The following ITGA11 variants were observed in gnomAD, a reference collection of about 807,000 sequenced individuals.
ITGA11 encodes integrin alpha-11.
A neutral mutation model predicts 141.9 loss-of-function variants in ITGA11; 97 were observed. That is an observed-to-expected ratio of 0.68 (90% CI 0.58 to 0.81). ITGA11 has a LOEUF of 0.81. ITGA11 is among the 30% of genes least tolerant of loss of function. ITGA11 has a pLI of 0.00. For missense variants in ITGA11, 1,387 were observed against 1,559.2 expected (o/e 0.89, Z 1.86); for synonymous variants, 658 against 624.6 (o/e 1.05, Z -0.80).
rs1023116704 is a variant in ITGA11 at position 68,311,527 on chromosome 15, T to G, written c.2974-124A>C. 46 of 664,058 alleles carry G rather than the reference T, an allele frequency of 6.9e-5. No individual in the cohort carries two copies. In the African/African-American group the frequency reaches 7.9e-4, roughly 11 times the overall value. The allele number at this position is 664,058 out of a possible 1,614,324, so 41.1% of individuals were successfully genotyped here. On this transcript the variant is annotated intron_variant, in intron 24 of 29. Transcript: ENST00000315757. ...CATCAGGCCTGGGAAAAAGGCCCAC[T>G]CAAGACCCCTGGTGTTTTCACCATG...
chr15:68,427,425 G>C (rs1897169154), intron 1 of ITGA11, among the ~76,000 whole-genome samples: 1 of 152,154 alleles, frequency 6.6e-6, no homozygotes, highest in African/African-American at 2.4e-5. Context: ...GAGTCACCCA[G>C]GTAGAAAGGA....
intron 2 of ITGA11, among the ~76,000 whole-genome samples, chr15:68,375,689 C>T (rs1452344245): frequency 6.6e-6 from 1 of 152,202 alleles, no homozygotes; most frequent in Non-Finnish European, 1.5e-5. Context: ...CCCTTACTCT[C>T]CCTCCATAAA....
intron 1 of ITGA11, among the ~76,000 whole-genome samples, chr15:68,421,984 T>C (rs1395477693): frequency 6.6e-6 from 1 of 152,216 alleles, no homozygotes; most frequent in Non-Finnish European, 1.5e-5. Context: ...GTTTGGCTTG[T>C]GGTCTGGCCT....
At chr15:68,366,750 G>T (rs961925113) in intron 3 of ITGA11, among the ~76,000 whole-genome samples, 4 of 152,110 alleles carry the variant, frequency 2.6e-5, no homozygotes, top group African/African-American at 9.7e-5. Context: ...AGGGTCCCGG[G>T]CCCAGATATC....
chr15:68,361,460 C>T (rs532329693), intron 5 of ITGA11, 130 bp downstream of exon 5: 12 of 636,176 alleles, frequency 1.9e-5, no homozygotes, highest in South Asian at 3.7e-5. Flanking sequence ...CCAGGTCATC[C>T]GGAGAGCTGG....
intron 22 of ITGA11, among the ~76,000 whole-genome samples, chr15:68,314,984 G>C (rs562319735): frequency 1.3e-5 from 2 of 152,164 alleles, no homozygotes; most frequent in East Asian, 3.8e-4. Context: ...CTGCAAAAAA[G>C]AGAAGTGTAT....
chr15:68,325,241 C>G lies in ITGA11; in HGVS notation c.2212G>C (p.Asp738His). The G allele has an allele frequency of 6.2e-7, 1 of 1,610,224 alleles. No homozygotes were observed. The change falls in exon 18 of 30, where the codon GAC becomes CAC. Residue 738 changes from aspartate (D) to histidine (H), a missense_variant and splice_region_variant. Physicochemically the swap from Asp to His is moderately conservative, Grantham distance 81. Coordinates refer to ENST00000315757, the MANE Select transcript of ITGA11 (RefSeq NM_001004439.2). This position sits in a 1 kb window ranked among gnomAD's most constrained non-coding sequence, Gnocchi z 5.5. ...LCERINFHVLDTADYVKPVTF... is the reference protein window; with the variant it reads ...LCERINFHVLHTADYVKPVTF... ...ACTGGCTTCACGTAGTCAGCAGTGT[C>G]CTGGGGGGTGGAGATGAGGGCAGCG...
At chr15:68,329,791 C>A (rs1263875275) in intron 15 of ITGA11, among the ~76,000 whole-genome samples, 1 of 152,234 alleles carries the variant, frequency 6.6e-6, no homozygotes, top group African/African-American at 2.4e-5. Context: ...AGAGCCCCCA[C>A]ATGCAGCACA....
At chr15:68,400,727 TAA>T (rs1491109644) in intron 2 of ITGA11, among the ~76,000 whole-genome samples, 1 of 19,718 alleles carries the variant, frequency 5.1e-5, no homozygotes, top group East Asian at 0.023. Flanking sequence ...TATTATATAA[TAA>T]ATATTATATA....
intron 1 of ITGA11, among the ~76,000 whole-genome samples, chr15:68,428,079 C>T (rs1005144030): frequency 2.6e-5 from 4 of 152,096 alleles, no homozygotes; most frequent in African/African-American, 7.2e-5. Context: ...GAACAATGTT[C>T]GACTTTGACC....
chr15:68,317,247 A>G lies in ITGA11; in HGVS notation c.2715+18T>C, dbSNP rs370537254. On this transcript the variant is annotated intron_variant, in intron 21 of 29. Transcript: ENST00000315757. ...AGTGCCCACCCTGACCCTCCCCCAC[A>G]TTGTCCCCAGTCTCAACCTTGGCCT... is the stretch of plus-strand genomic sequence containing the variant. The G allele has an allele frequency of 1.8e-5, 27 of 1,491,622 alleles. No individual in the cohort carries two copies. Among genetic ancestry groups the G allele is most frequent in the Non-Finnish European group, 2.5e-5 (27 of 1,071,182 alleles). The allele number at this position is 1,491,622 out of a possible 1,614,324, so 92.4% of individuals were successfully genotyped here.
rs1893609337 is a variant in ITGA11, at chr15:68,317,196, C to T, written c.2715+69G>A. ...GTGTTCACTCTTGTTGCTCTTGCCG[C>T]CCTCCCCAAACTACCTGTGCCTCCC... On this transcript the variant is annotated intron_variant, in intron 21 of 29. Transcript: ENST00000315757. 2.7e-6 allele frequency: 3 copies of T among 1,103,200 alleles called. No homozygotes were observed. In the East Asian group the frequency reaches 7.0e-5, roughly 26 times the overall value. 68.3% of individuals were successfully genotyped at this position (1,103,200 alleles called of 1,614,324 possible).
intron 10 of ITGA11, among the ~76,000 whole-genome samples, chr15:68,340,213 C>A (rs1186552281): frequency 5.6e-4 from 80 of 143,348 alleles, no homozygotes; most frequent in Non-Finnish European, 7.1e-4. Context: ...CTTGAAGATA[C>A]AAAAAAAAAA....
At chr15:68,312,403 T>C (rs554778322) in intron 24 of ITGA11, among the ~76,000 whole-genome samples, 1 of 152,278 alleles carries the variant, frequency 6.6e-6, no homozygotes, top group Non-Finnish European at 1.5e-5. Flanking sequence ...GGCTGGTAAG[T>C]TCACGCTGAG....
In ITGA11 at chr15:68,410,237, G is replaced by A. The variant is rs1277037484; in HGVS notation, c.53-7208C>T. On this transcript the variant is annotated intron_variant, in intron 1 of 29. Transcript: ENST00000315757. Reference sequence around the variant, plus strand: ...GTGAACACCTCCCAGAAGCCTCTCCGCAGCCCTGCCCCAGGCCTCCACTGG... The same window carrying A: ...GTGAACACCTCCCAGAAGCCTCTCCACAGCCCTGCCCCAGGCCTCCACTGG... 3.3e-5 allele frequency among the ~76,000 whole-genome samples: 5 copies of A among 152,322 alleles called. No homozygotes were observed. In the East Asian group the frequency reaches 5.8e-4, roughly 18 times the overall value.
intron 2 of ITGA11, among the ~76,000 whole-genome samples, chr15:68,389,290 T>TA (rs1896061051): frequency 1.3e-5 from 2 of 152,360 alleles, no homozygotes; most frequent in African/African-American, 4.8e-5. Flanking sequence ...TCTGTGAACA[T>TA]ACGCCTTCTG....
At chr15:68,405,159 C>CGTTTTTTTTTTTTTTTT (rs10647873) in intron 1 of ITGA11, among the ~76,000 whole-genome samples, 1 of 118,942 alleles carries the variant, frequency 8.4e-6, no homozygotes. Flanking sequence ...CACTGTCTCC[C>CGTTTTTTTTTTTTTTTT]TTTTTTTTTT....
chr15:68,341,511 G>C (rs1039102965), intron 10 of ITGA11, among the ~76,000 whole-genome samples: 1 of 152,254 alleles, frequency 6.6e-6, no homozygotes, highest in Non-Finnish European at 1.5e-5. Context: ...GTCAGAGGCA[G>C]GGCTGGGGCT....
intron 24 of ITGA11, among the ~76,000 whole-genome samples, chr15:68,312,207 C>T (rs1490752224): frequency 2.6e-5 from 4 of 152,244 alleles, no homozygotes; most frequent in Non-Finnish European, 5.9e-5. Flanking sequence ...CCACATTTCC[C>T]AGCCTCCCTT....
Sources: gnomAD v4.1 joint callset for allele counts (sites outside exome capture counted in the v4.1 genomes callset) on GRCh38, gnomAD v4.1.1 for gene constraint, Gnocchi (gnomAD v3.1) non-coding constraint, MANE v1.5 for transcripts, NCBI Gene and HGNC (gene_info 2026-07-23, HGNC 2026-07-21) for gene names.